CADPS2: variants seen among roughly 807,000 people sequenced by gnomAD.
CADPS2 encodes calcium dependent secretion activator 2.
Under a neutral mutation model 172.5 loss-of-function variants are expected in CADPS2, and 93 were observed. The ratio of observed to expected loss-of-function variants is 0.54; its 90% CI spans 0.46 to 0.64. CADPS2 has a LOEUF of 0.64. CADPS2 is among the 30% of genes least tolerant of loss of function. The pLI is 0.00. For synonymous variants in CADPS2, 546 were observed against 555.2 expected (o/e 0.98, Z 0.23); for missense variants, 1,420 against 1,565.9 (o/e 0.91, Z 1.57).
At chr7:122,738,846 A>G (rs5887113) in intron 1 of CADPS2, among the ~76,000 whole-genome samples, 18,716 of 103,110 alleles carry the variant, frequency 0.18, 1,182 homozygotes, top group Middle Eastern at 0.26. Context: ...TATTGTACCC[A>G]GGGGGGGAAA....
At chr7:122,349,733 T>C (rs17462418) in intron 27 of CADPS2, among the ~76,000 whole-genome samples, 20,001 of 152,226 alleles carry the variant, frequency 0.13, 1,633 homozygotes, top group Non-Finnish European at 0.18. Context: ...GTTAACCTAG[T>C]AAGATGAACA....
At chr7:122,563,108 TA>T (rs1262391523) in intron 7 of CADPS2, among the ~76,000 whole-genome samples, 3 of 152,126 alleles carry the variant, frequency 2.0e-5, no homozygotes, top group Non-Finnish European at 4.4e-5. Context: ...TTAATATACA[TA>T]GATCACTTTT....
intron 1 of CADPS2, among the ~76,000 whole-genome samples, chr7:122,840,966 A>C (rs1037784143): frequency 3.3e-5 from 5 of 152,198 alleles, no homozygotes; most frequent in Non-Finnish European, 7.3e-5. Flanking sequence ...AAGAACAACA[A>C]AAGTTATAAA....
chr7:122,637,725 A>G (rs1054446279), intron 3 of CADPS2, among the ~76,000 whole-genome samples: 2 of 152,186 alleles, frequency 1.3e-5, no homozygotes, highest in African/African-American at 4.8e-5. Flanking sequence ...TTCGGCATAA[A>G]GAGACACTCT....
chr7:122,760,501 G>A (rs979580403), intron 1 of CADPS2, among the ~76,000 whole-genome samples: 5 of 151,816 alleles, frequency 3.3e-5, no homozygotes, highest in African/African-American at 7.3e-5. Flanking sequence ...CTGAACTAGC[G>A]GATTCCAAAA....
chr7:122,798,222 T>A (rs530007752), intron 1 of CADPS2, among the ~76,000 whole-genome samples: 2 of 152,080 alleles, frequency 1.3e-5, no homozygotes, highest in Non-Finnish European at 1.5e-5. Context: ...GAGGAAAAGG[T>A]GCTGTGATCG....
intron 3 of CADPS2, among the ~76,000 whole-genome samples, chr7:122,648,773 T>C (rs938879507): frequency 7.9e-5 from 12 of 151,990 alleles, no homozygotes; most frequent in African/African-American, 2.9e-4. Flanking sequence ...CAATACAGAG[T>C]GCAGACCCAA....
At chr7:122,438,536 T>A in intron 16 of CADPS2, 72 bp from the exon 17 acceptor site, 1 of 1,511,000 alleles carries the variant, frequency 6.6e-7, no homozygotes, top group Non-Finnish European at 9.1e-7. Flanking sequence ...AAGACAGATG[T>A]TGCATAAAAT....
intron 24 of CADPS2, among the ~76,000 whole-genome samples, chr7:122,384,001 C>T (rs537191497): frequency 6.6e-6 from 1 of 152,094 alleles, no homozygotes; most frequent in Non-Finnish European, 1.5e-5. Flanking sequence ...TGAATGCCTA[C>T]AGCCCAGGTA....
At chr7:122,645,402 TAC>T (rs2078294035) in intron 3 of CADPS2, among the ~76,000 whole-genome samples, 1 of 33,774 alleles carries the variant, frequency 3.0e-5, no homozygotes, top group Non-Finnish European at 9.2e-5. Flanking sequence ...TGTATATATG[TAC>T]ATATACACAC....
intron 25 of CADPS2, among the ~76,000 whole-genome samples, chr7:122,374,159 T>G (rs2042079037): frequency 1.3e-5 from 2 of 152,086 alleles, no homozygotes. Context: ...ATCACCAAGA[T>G]CATCTCCATA....
chr7:122,731,676 A>G (rs1588843441), intron 2 of CADPS2, among the ~76,000 whole-genome samples: 1 of 92,014 alleles, frequency 1.1e-5, no homozygotes, highest in South Asian at 4.2e-4. Context: ...GAAGAGGGGA[A>G]AAAAAAACCC....
chr7:122,707,792 G>A (rs1330808644), intron 2 of CADPS2, among the ~76,000 whole-genome samples: 1 of 150,742 alleles, frequency 6.6e-6, no homozygotes, highest in Admixed American at 6.6e-5. Context: ...AATTTTTAAT[G>A]TTTTCTTATA....
At chr7:122,849,028 C>G (rs537257074) in intron 1 of CADPS2, among the ~76,000 whole-genome samples, 40 of 152,286 alleles carry the variant, frequency 2.6e-4, no homozygotes, top group African/African-American at 9.6e-4. Flanking sequence ...AATTACTAAA[C>G]CTTTCAATCT....
intron 17 of CADPS2, among the ~76,000 whole-genome samples, chr7:122,431,347 T>C (rs965527653): frequency 4.6e-5 from 7 of 152,126 alleles, no homozygotes; most frequent in Non-Finnish European, 8.8e-5. Context: ...TCTAGGACAA[T>C]AAGTGGGATG....
chr7:122,596,086 G>T (rs1587699522), intron 6 of CADPS2, among the ~76,000 whole-genome samples: 1 of 152,080 alleles, frequency 6.6e-6, no homozygotes, highest in African/African-American at 2.4e-5. Flanking sequence ...TTATCCTGCT[G>T]CTGCTGGTTC....
intron 9 of CADPS2, among the ~76,000 whole-genome samples, chr7:122,501,264 CA>C (rs962944264): frequency 2.0e-5 from 3 of 150,778 alleles, no homozygotes; most frequent in Non-Finnish European, 3.0e-5. Flanking sequence ...AAAAACAAAA[CA>C]AAAAAAACAT....
At chr7:122,830,872 A>C (rs1806337297) in intron 1 of CADPS2, among the ~76,000 whole-genome samples, 1 of 152,222 alleles carries the variant, frequency 6.6e-6, no homozygotes, top group African/African-American at 2.4e-5. Flanking sequence ...GAAACTACAA[A>C]TAAAGTACTT....
chr7:122,425,467 G>GGT (rs1019322171), intron 17 of CADPS2, among the ~76,000 whole-genome samples: 11 of 151,338 alleles, frequency 7.3e-5, no homozygotes, highest in Non-Finnish European at 1.0e-4. Flanking sequence ...CAGGCATGGT[G>GGT]GTGTGTGCCT....
Sources: allele counts gnomAD v4.1 joint callset (sites outside exome capture counted in the v4.1 genomes callset), GRCh38; gene constraint gnomAD v4.1.1; transcripts MANE v1.5; gene names NCBI Gene and HGNC (gene_info 2026-07-23, HGNC 2026-07-21).